Variants in SDAD1 observed in about 807,000 individuals in gnomAD.
SDAD1 encodes protein SDA1 homolog.
SDAD1 carries 79 observed loss-of-function variants against 100.3 expected under a neutral mutation model. The ratio of observed to expected loss-of-function variants is 0.79; its 90% CI spans 0.66 to 0.95. The LOEUF (loss-of-function observed/expected upper bound fraction) is 0.95, where lower values mean the gene tolerates loss of function less well. SDAD1 is among the 40% of genes least tolerant of loss of function. The pLI, the probability that SDAD1 is intolerant of heterozygous loss-of-function variation, is 0.00. For synonymous variants in SDAD1, 267 were observed against 271.4 expected (o/e 0.98, Z 0.16); for missense variants, 790 against 810.9 (o/e 0.97, Z 0.31).
At chr4:75,964,982 A>G (rs1729456679) in intron 13 of SDAD1, among the ~76,000 whole-genome samples, 1 of 152,194 alleles carries the variant, frequency 6.6e-6, no homozygotes, top group Admixed American at 6.5e-5. Context: ...GAAATCTTGA[A>G]AAAAGAACAG....
At chr4:75,974,272 C>T (rs950754958) in intron 6 of SDAD1, 139 bp from the exon 7 acceptor site, 16 of 695,988 alleles carry the variant, frequency 2.3e-5, no homozygotes, top group East Asian at 1.4e-4. Flanking sequence ...TAAAAAGATA[C>T]GAGTTGCTAA....
chr4:75,975,051 T>C (rs955676974), intron 6 of SDAD1, among the ~76,000 whole-genome samples: 17 of 151,122 alleles, frequency 1.1e-4, no homozygotes, highest in Non-Finnish European at 2.2e-4. Flanking sequence ...AAAAAATTAA[T>C]AAATAAATAA....
intron 17 of SDAD1, among the ~76,000 whole-genome samples, chr4:75,958,157 T>G (rs1330894776): frequency 6.6e-6 from 1 of 152,190 alleles, no homozygotes; most frequent in Non-Finnish European, 1.5e-5. Context: ...AGTCAAAACC[T>G]TACAATCACT....
At position 75,964,153 on chromosome 4, in the gene SDAD1, C is replaced by T; in HGVS notation, c.1163G>A (p.Gly388Glu). Residue 388 changes from glycine to glutamate, a missense_variant, in exon 14 of 22, where the codon GGA becomes GAA. Coordinates refer to ENST00000356260, the MANE Select transcript of SDAD1 (RefSeq NM_018115.4). ...ANNFVTDKNSGEVMTVGINAI... is the reference protein window; with the variant it reads ...ANNFVTDKNSEEVMTVGINAI... ...TACATACCCTACTGTCATGACTTCT[C>T]CAGAGTTCTTGTCGGTAACAAAATT... is the stretch of plus-strand genomic sequence containing the variant. 1.2e-6 allele frequency: 2 copies of T among 1,610,256 alleles called. No homozygotes were observed. Among genetic ancestry groups the T allele is most frequent in the African/African-American group, 1.3e-5 (1 of 74,828 alleles).
intron 21 of SDAD1, among the ~76,000 whole-genome samples, chr4:75,954,243 G>A (rs567414608): frequency 6.6e-5 from 10 of 152,114 alleles, no homozygotes; most frequent in Admixed American, 2.0e-4. Flanking sequence ...TTAGCCAGGC[G>A]TGGTGGCGGG....
At chr4:75,986,769 G>T (rs138239642) in intron 1 of SDAD1, among the ~76,000 whole-genome samples, 1 of 152,346 alleles carries the variant, frequency 6.6e-6, no homozygotes, top group Non-Finnish European at 1.5e-5. Context: ...GCTCATGCCT[G>T]TAATTCCAGC....
At chr4:75,981,715 A>G (rs1730528400) in intron 2 of SDAD1, among the ~76,000 whole-genome samples, 1 of 152,218 alleles carries the variant, frequency 6.6e-6, no homozygotes, top group Non-Finnish European at 1.5e-5. Flanking sequence ...AAGAAAAAAA[A>G]TAGTCTTAAA....
chr4:75,981,334 A>T, intron 3 of SDAD1, 38 bp downstream of exon 3: 1 of 1,594,690 alleles, frequency 6.3e-7, no homozygotes, highest in South Asian at 1.1e-5. Flanking sequence ...AGCACACATG[A>T]ACACAGCACA....
intron 14 of SDAD1, among the ~76,000 whole-genome samples, chr4:75,962,262 C>T (rs955638790): frequency 2.0e-5 from 3 of 152,146 alleles, no homozygotes; most frequent in African/African-American, 4.8e-5. Flanking sequence ...TATTCCATAG[C>T]GTATATGTGC....
chr4:75,957,345 T>A lies in SDAD1; in HGVS notation c.1834A>T (p.Thr612Ser), dbSNP rs758321096. The A allele has an allele frequency of 5.0e-6, 8 of 1,614,058 alleles. No homozygotes were observed. Among genetic ancestry groups the A allele is most frequent in the African/African-American group, 1.3e-5 (1 of 74,934 alleles). Residue 612 changes from threonine (T) to serine (S), a missense_variant, in exon 20 of 22, where the codon ACA becomes TCA. Transcript: ENST00000356260. ...LHKKPKSDKE[T>S]RLATAMAGKT... ...CTCACCATTGCAGTTGCTAGTCTTG[T>A]CTCTTTGTCAGACTTTGGCTTTTTA...
chr4:75,982,608 C>G (rs1296644775), intron 1 of SDAD1, among the ~76,000 whole-genome samples: 2 of 151,956 alleles, frequency 1.3e-5, no homozygotes, highest in African/African-American at 4.8e-5. Flanking sequence ...ATGATCATGC[C>G]ACTGCACTCC....
chr4:75,967,362 T>G, intron 11 of SDAD1, 28 bp from the exon 12 acceptor site: 1 of 1,592,856 alleles, frequency 6.3e-7, no homozygotes, highest in Non-Finnish European at 8.6e-7. Flanking sequence ...ACTTTAATAC[T>G]GATGCAGCTG....
chr4:75,950,988 C>T (rs1267760076), intron 21 of SDAD1, among the ~76,000 whole-genome samples, 191 bp from the exon 22 acceptor site: 1 of 152,060 alleles, frequency 6.6e-6, no homozygotes, highest in Non-Finnish European at 1.5e-5. Flanking sequence ...AGGAAATATG[C>T]AAAACTCTTG....
chr4:75,963,254 T>TGTGTTTTGGTACCAGTACCATG (rs1729349666), intron 14 of SDAD1, among the ~76,000 whole-genome samples: 4 of 143,160 alleles, frequency 2.8e-5, no homozygotes, highest in Non-Finnish European at 6.1e-5. Flanking sequence ...GGTCTCTATC[T>TGTGTTTTGGTACCAGTACCATG]CTGTTTTGGT....
intron 3 of SDAD1, chr4:75,981,010 T>A (rs1464220911): frequency 5.8e-6 from 1 of 173,608 alleles, no homozygotes; most frequent in Non-Finnish European, 1.2e-5. Flanking sequence ...CAAGTTGTGA[T>A]TAGGATTCTA....
chr4:75,976,089 T>A, intron 4 of SDAD1, 94 bp from the exon 5 acceptor site: 1 of 717,170 alleles, frequency 1.4e-6, no homozygotes, highest in Non-Finnish European at 2.2e-6. Context: ...CAGGATGACT[T>A]AATTTTACCT....
Position 75,965,754 on chromosome 4 carries a change from A to G in SDAD1, c.1104+10T>C. Reference sequence around the variant, plus strand: ...GCCCTAGGTCCAGAAGTCAGGTTACAGGTTCTCACCTCTGGGGGTACTAGG... The same window carrying G: ...GCCCTAGGTCCAGAAGTCAGGTTACGGGTTCTCACCTCTGGGGGTACTAGG... On this transcript the variant is annotated intron_variant, in intron 13 of 21. Coordinates refer to ENST00000356260, the MANE Select transcript of SDAD1 (RefSeq NM_018115.4). The G allele has an allele frequency of 6.2e-7, 1 of 1,611,878 alleles. No homozygotes were observed.
intron 4 of SDAD1, 44 bp from the exon 5 acceptor site, chr4:75,976,039 A>G (rs1560550543): frequency 8.1e-7 from 1 of 1,234,284 alleles, no homozygotes; most frequent in Non-Finnish European, 1.2e-6. Context: ...CCTAACCAAC[A>G]TTTTTAACCT....
chr4:75,969,152 C>A, intron 11 of SDAD1, 144 bp downstream of exon 11: 2 of 423,198 alleles, frequency 4.7e-6, no homozygotes, highest in African/African-American at 2.0e-5. Context: ...TAGTTATTTT[C>A]AGAGATGTTA....
Sources: allele counts gnomAD v4.1 joint callset (sites outside exome capture counted in the v4.1 genomes callset), GRCh38; gene constraint gnomAD v4.1.1; transcripts MANE v1.5; gene names NCBI Gene and HGNC (gene_info 2026-07-23, HGNC 2026-07-21).